Variants in METTL15 observed in about 807,000 individuals in gnomAD.
METTL15 encodes the protein methyltransferase 15, mitochondrial 12S rRNA N4-cytidine, also known as 12S rRNA N(4)-cytidine methyltransferase METTL15.
In METTL15, 34 loss-of-function variants were observed where a neutral mutation model predicts 38.3. That is an observed-to-expected ratio of 0.89 (90% CI 0.68 to 1.18). The LOEUF is 1.18. Ranked by LOEUF, METTL15 falls within the 50% of genes most tolerant of loss-of-function variation. METTL15 has a pLI of 0.00. For missense variants in METTL15, 438 were observed against 498.4 expected (o/e 0.88, Z 1.15); for synonymous variants, 162 against 170.9 (o/e 0.95, Z 0.41).
intron 3 of METTL15, among the ~76,000 whole-genome samples, chr11:28,120,596 CATGGA>C (rs1852186798): frequency 6.6e-6 from 1 of 151,978 alleles, no homozygotes; most frequent in Non-Finnish European, 1.5e-5. Flanking sequence ...TTCCTGATGT[CATGGA>C]ATGTAGATTT....
chr11:28,113,712 G>A (rs1011421900), intron 3 of METTL15, 108 bp downstream of exon 3: 31 of 1,195,816 alleles, frequency 2.6e-5, no homozygotes, highest in Non-Finnish European at 3.1e-5. Context: ...GTATACAGAT[G>A]AATCCCAACT....
At chr11:28,360,325 C>T (rs1319163521) in intron 4 of METTL15, among the ~76,000 whole-genome samples, 1 of 152,186 alleles carries the variant, frequency 6.6e-6, no homozygotes, top group East Asian at 1.9e-4. Flanking sequence ...CGGCCATGGC[C>T]AATTGGAACA....
intron 4 of METTL15, among the ~76,000 whole-genome samples, chr11:28,289,424 C>T (rs144750134): frequency 6.6e-6 from 1 of 152,094 alleles, no homozygotes; most frequent in Non-Finnish European, 1.5e-5. Flanking sequence ...CTCACTCTAC[C>T]CACCTTTAGA....
At chr11:28,190,712 G>T (rs764445022) in intron 3 of METTL15, among the ~76,000 whole-genome samples, 4 of 151,180 alleles carry the variant, frequency 2.6e-5, no homozygotes, top group East Asian at 1.9e-4. Flanking sequence ...ACTGAATTAG[G>T]AATGTATCGA....
chr11:28,181,026 T>A (rs1224685605), intron 3 of METTL15, among the ~76,000 whole-genome samples: 2 of 151,760 alleles, frequency 1.3e-5, no homozygotes, highest in East Asian at 3.9e-4. Flanking sequence ...TAATATTGAC[T>A]GATGCCAATT....
chr11:28,129,785 T>A (rs1852677713), intron 3 of METTL15, among the ~76,000 whole-genome samples: 1 of 152,188 alleles, frequency 6.6e-6, no homozygotes, highest in East Asian at 1.9e-4. Context: ...TTAATTTTTT[T>A]ATGTATTTTG....
chr11:28,167,883 T>G (rs995550289), intron 3 of METTL15, among the ~76,000 whole-genome samples: 2 of 152,138 alleles, frequency 1.3e-5, no homozygotes, highest in Non-Finnish European at 2.9e-5. Flanking sequence ...TTGAGGTTCT[T>G]TCCTTGGTTT....
intron 6 of METTL15, among the ~76,000 whole-genome samples, chr11:28,461,648 A>T (rs1023032375): frequency 6.6e-6 from 1 of 152,108 alleles, no homozygotes; most frequent in East Asian, 1.9e-4. Flanking sequence ...ATTACAAAAA[A>T]AAAGAGATGT....
chr11:28,355,879 G>T (rs2133364656), intron 4 of METTL15, among the ~76,000 whole-genome samples: 1 of 152,192 alleles, frequency 6.6e-6, no homozygotes, highest in Non-Finnish European at 1.5e-5. Context: ...CAGATGATTT[G>T]GAGTCCCCAT....
At chr11:28,372,671 A>T (rs1450628349) in intron 5 of METTL15, among the ~76,000 whole-genome samples, 1 of 150,534 alleles carries the variant, frequency 6.6e-6, no homozygotes, top group African/African-American at 2.4e-5. Flanking sequence ...CACATTGTGC[A>T]GGTTAGTTAC....
chr11:28,268,651 GT>G (rs1855527392), intron 4 of METTL15, among the ~76,000 whole-genome samples: 1 of 152,120 alleles, frequency 6.6e-6, no homozygotes, highest in African/African-American at 2.4e-5. Flanking sequence ...CAATTGCTGT[GT>G]TTTGATTGTA....
chr11:28,425,972 AC>A (rs1174562323), intron 6 of METTL15, among the ~76,000 whole-genome samples: 1 of 152,192 alleles, frequency 6.6e-6, no homozygotes, highest in Non-Finnish European at 1.5e-5. Flanking sequence ...GTTCAGGGGT[AC>A]ATGTGCAGGT....
chr11:28,178,540 A>G (rs1211176142), intron 3 of METTL15, among the ~76,000 whole-genome samples: 6 of 151,806 alleles, frequency 4.0e-5, no homozygotes, highest in African/African-American at 1.4e-4. Context: ...TTCTATTAGC[A>G]GTATTATCAT....
intron 3 of METTL15, chr11:28,123,828 T>C: frequency 7.2e-7 from 1 of 1,382,966 alleles, no homozygotes; most frequent in Non-Finnish European, 9.8e-7. Context: ...ACTGAAATCT[T>C]TCTTTTGTTA....
intron 5 of METTL15, among the ~76,000 whole-genome samples, chr11:28,368,154 A>AAAAAAAAAAAAAAAAAAAAAACAG: frequency 7.2e-6 from 1 of 138,602 alleles, no homozygotes; most frequent in African/African-American, 2.6e-5. Flanking sequence ...AAAAAAAACA[A>AAAAAAAAAAAAAAAAAAAAAACAG]AAAAAAAAAC....
intron 6 of METTL15, among the ~76,000 whole-genome samples, chr11:28,521,199 G>A (rs1438593553): frequency 6.6e-6 from 1 of 152,140 alleles, no homozygotes; most frequent in African/African-American, 2.4e-5. Flanking sequence ...AGTCATCAAT[G>A]GAAGATTCCA....
intron 5 of METTL15, among the ~76,000 whole-genome samples, chr11:28,375,535 T>C (rs1017047995): frequency 6.6e-5 from 10 of 152,156 alleles, no homozygotes; most frequent in East Asian, 1.9e-4. Context: ...TTTTTTATTG[T>C]GTCTATTTGA....
intron 6 of METTL15, among the ~76,000 whole-genome samples, chr11:28,503,011 G>C (rs978720139): frequency 6.6e-6 from 1 of 152,180 alleles, no homozygotes; most frequent in Non-Finnish European, 1.5e-5. Context: ...AAGTAAAAAT[G>C]GTTTATTTCT....
intron 3 of METTL15, among the ~76,000 whole-genome samples, chr11:28,165,877 C>A (rs1036429060): frequency 9.9e-5 from 15 of 152,018 alleles, no homozygotes; most frequent in African/African-American, 3.4e-4. Context: ...ATGAAGATAT[C>A]CAGTTTTTCC....
Sources: gnomAD v4.1 joint callset for allele counts (sites outside exome capture counted in the v4.1 genomes callset) on GRCh38, gnomAD v4.1.1 for gene constraint, MANE v1.5 for transcripts, NCBI Gene and HGNC (gene_info 2026-07-23, HGNC 2026-07-21) for gene names.